The following MTCL2 variants were observed in gnomAD, a reference collection of about 807,000 sequenced individuals.
The protein encoded by MTCL2 is microtubule cross-linking factor 2.
At chr20:36,847,522 T>C in the MTCL2 span, among the ~76,000 whole-genome samples, 1 of 152,122 alleles carries the variant, frequency 6.6e-6, no homozygotes, top group African/African-American at 2.4e-5. Context: ...ACAGAGCAGG[T>C]ACCTGTCACT....
At chr20:36,814,340 G>A in the MTCL2 span, among the ~76,000 whole-genome samples, 4 of 152,078 alleles carry the variant, frequency 2.6e-5, no homozygotes, top group South Asian at 8.3e-4. Context: ...AAGCAATCTG[G>A]GTGGAAAAAC....
the MTCL2 span, chr20:36,805,938 A>G: frequency 6.2e-7 from 1 of 1,612,612 alleles, no homozygotes; most frequent in African/African-American, 1.3e-5. Flanking sequence ...CAGCAAGTAC[A>G]GCTCCTTCAT....
chr20:36,851,590 C>T, the MTCL2 span, among the ~76,000 whole-genome samples: 93 of 152,360 alleles, frequency 6.1e-4, no homozygotes, highest in African/African-American at 1.9e-3. Context: ...GGCTTGCCTT[C>T]TGCCTCAAGT....
the MTCL2 span, among the ~76,000 whole-genome samples, chr20:36,849,449 C>T: frequency 0.32 from 48,472 of 151,632 alleles, 8,294 homozygotes; most frequent in Middle Eastern, 0.42. Context: ...TTATTTTATT[C>T]TTTAAGACAG....
the MTCL2 span, among the ~76,000 whole-genome samples, chr20:36,806,842 AT>A: frequency 1.3e-5 from 2 of 151,924 alleles, no homozygotes; most frequent in African/African-American, 2.4e-5. Context: ...TTATGCCCTA[AT>A]TTTTTTTCCC....
chr20:36,836,823 T>C, the MTCL2 span, among the ~76,000 whole-genome samples: 441 of 152,230 alleles, frequency 2.9e-3, no homozygotes, highest in African/African-American at 9.6e-3. Context: ...GCCTCATGTG[T>C]AGGACAGCAC....
At chr20:36,822,021 C>T in the MTCL2 span, among the ~76,000 whole-genome samples, 1 of 152,232 alleles carries the variant, frequency 6.6e-6, no homozygotes, top group Non-Finnish European at 1.5e-5. Context: ...GGGTTGGGGG[C>T]AGAGGAGACG....
chr20:36,788,554 C>T, the MTCL2 span, among the ~76,000 whole-genome samples: 5 of 151,910 alleles, frequency 3.3e-5, no homozygotes, highest in Non-Finnish European at 7.4e-5. Context: ...AGGAGAATGG[C>T]GTGAACCTGG....
the MTCL2 span, among the ~76,000 whole-genome samples, chr20:36,819,943 G>A: frequency 6.6e-6 from 1 of 152,164 alleles, no homozygotes. Context: ...GTCAGAAAAC[G>A]AGTCCTTCCA....
the MTCL2 span, chr20:36,817,336 T>A: frequency 7.6e-7 from 1 of 1,312,818 alleles, no homozygotes; most frequent in Non-Finnish European, 1.0e-6. Flanking sequence ...GAATCTGGGA[T>A]CCCCAGGCCA....
the MTCL2 span, chr20:36,812,776 C>T: frequency 6.2e-7 from 1 of 1,613,878 alleles, no homozygotes; most frequent in Non-Finnish European, 8.5e-7. Flanking sequence ...GCTTAGAGTC[C>T]AAGTCACCAG....
At chr20:36,798,350 G>T in the MTCL2 span, among the ~76,000 whole-genome samples, 9 of 152,234 alleles carry the variant, frequency 5.9e-5, no homozygotes, top group Non-Finnish European at 1.3e-4. Flanking sequence ...TTACAGGTGT[G>T]AGGCACCGCG....
At chr20:36,784,471 T>C in the MTCL2 span, 13 of 985,536 alleles carry the variant, frequency 1.3e-5, no homozygotes, top group Non-Finnish European at 1.4e-5. Context: ...TCCAGAGTCC[T>C]GGGGGCAGAT....
the MTCL2 span, among the ~76,000 whole-genome samples, chr20:36,831,857 G>A: frequency 1.3e-5 from 2 of 152,162 alleles, no homozygotes; most frequent in Non-Finnish European, 2.9e-5. Context: ...TTTAAACATG[G>A]TCCCCAGTTT....
chr20:36,832,604 C>T, the MTCL2 span, among the ~76,000 whole-genome samples: 5 of 152,126 alleles, frequency 3.3e-5, no homozygotes, highest in Admixed American at 6.6e-5. Context: ...GAGGCTGAGA[C>T]GGGCAGATCA....
chr20:36,836,980 A>G, the MTCL2 span, among the ~76,000 whole-genome samples: 48 of 152,132 alleles, frequency 3.2e-4, 1 homozygote, highest in East Asian at 4.4e-3. Flanking sequence ...TTTATATTCC[A>G]CTGGAAAGGC....
At chr20:36,785,018 A>G in the MTCL2 span, 1 of 985,536 alleles carries the variant, frequency 1.0e-6, no homozygotes, top group Non-Finnish European at 1.2e-6. Flanking sequence ...GAGGGAAATG[A>G]GACAGGCAAT....
the MTCL2 span, chr20:36,808,806 G>A: frequency 6.9e-7 from 1 of 1,444,564 alleles, no homozygotes; most frequent in Non-Finnish European, 9.3e-7. Context: ...CCCTTTCTGG[G>A]CCCCTGGACA....
At chr20:36,826,371 C>A in the MTCL2 span, among the ~76,000 whole-genome samples, 1 of 67,340 alleles carries the variant, frequency 1.5e-5, no homozygotes, top group Non-Finnish European at 2.9e-5. Flanking sequence ...CCTCCCCCCT[C>A]CCTCTCCTTC....
Sources: allele counts gnomAD v4.1 joint callset (sites outside exome capture counted in the v4.1 genomes callset), GRCh38; gene constraint gnomAD v4.1.1; transcripts MANE v1.5; gene names NCBI Gene and HGNC (gene_info 2026-07-23, HGNC 2026-07-21).